The following MORN1 variants were observed in gnomAD, a reference collection of about 807,000 sequenced individuals.
MORN1 encodes the protein MORN repeat-containing protein 1.
MORN1 carries 67 observed loss-of-function variants against 61.9 expected under a neutral mutation model. The observed-to-expected ratio is 1.08, with a 90% confidence interval of 0.89 to 1.33. The LOEUF is 1.33. Among genes scored for constraint, MORN1 ranks in the 40% most tolerant of loss-of-function variants. MORN1 has a pLI of 0.00. For missense variants in MORN1, 752 were observed against 691.2 expected, an observed-to-expected ratio of 1.09 and a Z score of -0.99; for synonymous variants, 301 against 292.0, an observed-to-expected ratio of 1.03 and a Z score of -0.31.
intron 8 of MORN1, among the ~76,000 whole-genome samples, chr1:2,366,170 C>T (rs1641991945): frequency 6.6e-6 from 1 of 151,354 alleles, no homozygotes; most frequent in Non-Finnish European, 1.5e-5. Flanking sequence ...AGTTCGTGTC[C>T]TTTGTAGGGA....
chr1:2,373,270 G>A (rs1193264411), intron 7 of MORN1, among the ~76,000 whole-genome samples: 2 of 152,232 alleles, frequency 1.3e-5, no homozygotes, highest in Non-Finnish European at 2.9e-5. Context: ...AGGCGATGCC[G>A]GGTGCACAGG....
At chr1:2,359,221 T>C (rs2645088) in intron 8 of MORN1, among the ~76,000 whole-genome samples, 126,400 of 152,078 alleles carry the variant, frequency 0.83, 52,884 homozygotes, top group African/African-American at 0.92. Flanking sequence ...AGGCTCTCCG[T>C]GCCCATCTCC....
intron 10 of MORN1, among the ~76,000 whole-genome samples, chr1:2,342,315 G>C (rs551225916): frequency 4.7e-4 from 72 of 152,356 alleles, no homozygotes; most frequent in Middle Eastern, 6.8e-3. Flanking sequence ...AAGGCTGCTC[G>C]GGCCAGGCCA....
At chr1:2,339,444 C>T (rs1359925667) in intron 10 of MORN1, among the ~76,000 whole-genome samples, 10 of 152,214 alleles carry the variant, frequency 6.6e-5, no homozygotes, top group Admixed American at 5.9e-4. Context: ...TGGCTGTGAC[C>T]GCCTTTCCCG....
chr1:2,367,055 C>T (rs55960350), intron 8 of MORN1, among the ~76,000 whole-genome samples: 1 of 151,618 alleles, frequency 6.6e-6, no homozygotes, highest in Non-Finnish European at 1.5e-5. Context: ...CAAAATTGAC[C>T]TGATTTATAA....
chr1:2,373,622 G>A (rs906900738), intron 7 of MORN1, among the ~76,000 whole-genome samples: 3 of 152,148 alleles, frequency 2.0e-5, no homozygotes, highest in African/African-American at 7.2e-5. Context: ...CACCTGGGCC[G>A]GGACCCAGGC....
At chr1:2,348,735 A>ACGCACG (rs1557876326) in intron 10 of MORN1, among the ~76,000 whole-genome samples, 2 of 20,254 alleles carry the variant, frequency 9.9e-5, no homozygotes, top group African/African-American at 4.7e-4. Context: ...GCACACGCAC[A>ACGCACG]CCTGCGCGGG....
intron 10 of MORN1, among the ~76,000 whole-genome samples, chr1:2,354,320 G>A (rs1052749271): frequency 6.6e-5 from 10 of 152,118 alleles, no homozygotes; most frequent in Admixed American, 5.9e-4. Flanking sequence ...ATCCCAGCAC[G>A]TTGGGAGGCT....
At position 2,334,910 on chromosome 1, in the gene MORN1, C is replaced by T. The variant is rs370889901; in HGVS notation, c.1250+1559G>A. Among the ~76,000 whole-genome samples, 62 of 152,328 alleles carry T rather than the reference C, an allele frequency of 4.1e-4. No individual in the cohort carries two copies. The highest frequency in any genetic ancestry group is 1.3e-3 in the African/African-American group (53 of 41,566). ...CGGTTCTGGAGCGAAGTGGAGGTGC[C>T]GCCCTGGGCGTTCGGGTCTGTGTGA... On this transcript the variant is annotated intron_variant, in intron 12 of 13. Transcript: ENST00000378531. The surrounding 1 kb of genome is among the most constrained non-coding windows in gnomAD (Gnocchi z 5.4).
intron 10 of MORN1, chr1:2,355,376 T>G (rs1641740837): frequency 1.3e-6 from 2 of 1,546,514 alleles, no homozygotes; most frequent in African/African-American, 2.7e-5. Context: ...TGCATGCTCT[T>G]TTATATGATG....
At chr1:2,380,875 C>A (rs964902997) in intron 6 of MORN1, among the ~76,000 whole-genome samples, 4 of 152,142 alleles carry the variant, frequency 2.6e-5, no homozygotes, top group African/African-American at 9.7e-5. Flanking sequence ...TTTTTTAAAG[C>A]GGGCTAAATA....
At chr1:2,345,379 C>T (rs1185213257) in intron 10 of MORN1, among the ~76,000 whole-genome samples, 3 of 152,248 alleles carry the variant, frequency 2.0e-5, no homozygotes, top group Non-Finnish European at 2.9e-5. Flanking sequence ...AGGCATGGGC[C>T]GGCCTTGTTG....
intron 10 of MORN1, among the ~76,000 whole-genome samples, chr1:2,342,445 G>A (rs1031289842): frequency 6.6e-6 from 1 of 152,242 alleles, no homozygotes; most frequent in Non-Finnish European, 1.5e-5. Flanking sequence ...CTAAGGGGAC[G>A]AGAACAGTCT....
chr1:2,372,568 A>T lies in MORN1; in HGVS notation c.658T>A (p.Leu220Met). The T allele has an allele frequency of 6.2e-7, 1 of 1,613,366 alleles. No individual in the cohort carries two copies. Among genetic ancestry groups the T allele is most frequent in the South Asian group, 1.1e-5 (1 of 90,990 alleles). The change falls in exon 8 of 14, where the codon TTG becomes ATG. Residue 220 changes from leucine (L) to methionine (M), a missense_variant. Coordinates refer to ENST00000378531, the MANE Select transcript of MORN1 (RefSeq NM_024848.3). The surrounding 1 kb of genome is among the most constrained non-coding windows in gnomAD (Gnocchi z 5.4). ...PAEQATRIVI[L>M]GPEVMEVAQG... ...GCCACTTCCATCACCTCCGGACCCA[A>T]GATCACGATCCTCGTAGCTTGTTCT...
At chr1:2,342,068 G>C (rs192524435) in intron 10 of MORN1, among the ~76,000 whole-genome samples, 36 of 152,372 alleles carry the variant, frequency 2.4e-4, no homozygotes, top group Non-Finnish European at 4.0e-4. Context: ...TGCCTTCCAA[G>C]CCTTTATGCC....
At chr1:2,324,342 G>A (rs892893077) in intron 12 of MORN1, among the ~76,000 whole-genome samples, 199 bp from the exon 13 acceptor site, 1 of 152,174 alleles carries the variant, frequency 6.6e-6, no homozygotes, top group African/African-American at 2.4e-5. Context: ...TCTGCACCTC[G>A]GAACCGTGGG....
At chr1:2,348,583 A>T (rs1641566966) in intron 10 of MORN1, among the ~76,000 whole-genome samples, 1 of 151,326 alleles carries the variant, frequency 6.6e-6, no homozygotes, top group Non-Finnish European at 1.5e-5. Context: ...CGGAGAGTGC[A>T]CACACACGCA....
chr1:2,358,530 A>T, intron 9 of MORN1, 62 bp downstream of exon 9: 6 of 1,607,242 alleles, frequency 3.7e-6, no homozygotes, highest in Non-Finnish European at 5.1e-6. Context: ...CAAGGAATTA[A>T]TGTGACCTAA....
Position 2,357,876 on chromosome 1 carries a change from G to A in MORN1, c.870-278C>T, listed in dbSNP as rs1016973163. ...GACAACTCCAGCAGCGTCACCTCTC[G>A]GGTGCGTTCTGACTTCACAGTGGGT... is the stretch of plus-strand genomic sequence containing the variant. On this transcript the variant is annotated intron_variant, in intron 9 of 13. Coordinates refer to ENST00000378531, the MANE Select transcript of MORN1 (RefSeq NM_024848.3). The surrounding 1 kb of genome is among the most constrained non-coding windows in gnomAD (Gnocchi z 6.3). Among the ~76,000 whole-genome samples, 2 of 152,164 alleles carry A rather than the reference G, an allele frequency of 1.3e-5. No individual in the cohort carries two copies. Among genetic ancestry groups the A allele is most frequent in the Non-Finnish European group, 2.9e-5 (2 of 68,030 alleles).
Sources: gnomAD v4.1 joint callset for allele counts (sites outside exome capture counted in the v4.1 genomes callset) on GRCh38, gnomAD v4.1.1 for gene constraint, Gnocchi (gnomAD v3.1) non-coding constraint, MANE v1.5 for transcripts, NCBI Gene and HGNC (gene_info 2026-07-23, HGNC 2026-07-21) for gene names.